Variants in EPB41L5 observed in about 807,000 individuals in gnomAD.
EPB41L5 encodes erythrocyte membrane protein band 4.1 like 5, also known as band 4.1-like protein 5.
A neutral mutation model predicts 106.6 loss-of-function variants in EPB41L5; 55 were observed. The observed-to-expected ratio is 0.52, with a 90% confidence interval of 0.42 to 0.65. EPB41L5 has a LOEUF of 0.65. Ranked by LOEUF, EPB41L5 falls within the 30% of genes least tolerant of loss-of-function variation. EPB41L5 has a pLI of 0.00. For synonymous variants in EPB41L5, 297 were observed against 306.7 expected (o/e 0.97, Z 0.33); for missense variants, 871 against 882.1 (o/e 0.99, Z 0.16).
At chr2:120,138,089 G>C (rs1252001496) in intron 18 of EPB41L5, among the ~76,000 whole-genome samples, 1 of 151,876 alleles carries the variant, frequency 6.6e-6, no homozygotes, top group Non-Finnish European at 1.5e-5. Flanking sequence ...TATATCAGCA[G>C]AATGAAGGAC....
chr2:120,053,516 C>T (rs1009894235), intron 3 of EPB41L5, among the ~76,000 whole-genome samples: 2 of 152,194 alleles, frequency 1.3e-5, no homozygotes, highest in African/African-American at 2.4e-5. Context: ...CCCCTCCCCA[C>T]AGCATCTGGC....
At chr2:120,100,482 C>G (rs1318907971) in intron 15 of EPB41L5, among the ~76,000 whole-genome samples, 196 bp downstream of exon 15, 3 of 152,086 alleles carry the variant, frequency 2.0e-5, no homozygotes, top group Admixed American at 2.0e-4. Context: ...GAAACCGGTG[C>G]TCTATAAAAC....
chr2:120,130,524 A>C (rs1312330774), intron 17 of EPB41L5, among the ~76,000 whole-genome samples: 1 of 152,226 alleles, frequency 6.6e-6, no homozygotes, highest in African/African-American at 2.4e-5. Flanking sequence ...ACAACAACAA[A>C]AAGAGTATTC....
intron 3 of EPB41L5, among the ~76,000 whole-genome samples, chr2:120,049,662 C>T (rs1221762111): frequency 1.3e-5 from 2 of 152,134 alleles, no homozygotes; most frequent in African/African-American, 2.4e-5. Flanking sequence ...AGCCCATTTA[C>T]GTTTAAGGTT....
rs763136332 is a variant in EPB41L5, at chr2:120,146,285, A to T, written c.1789A>T (p.Asn597Tyr). 2 of 1,607,880 alleles carry T rather than the reference A, an allele frequency of 1.2e-6. No homozygotes were observed. Among genetic ancestry groups the T allele is most frequent in the Non-Finnish European group, 1.7e-6 (2 of 1,174,658 alleles). Residue 597 changes from asparagine (N) to tyrosine (Y), a missense_variant, in exon 20 of 25, where the codon AAC becomes TAC. Physicochemically the swap from Asn to Tyr is moderately radical, Grantham distance 143. Transcript: ENST00000263713. ...TGCCAATGTTCAGGATGCTGCCACAAACAGGTACAGTTCTGGGTAGACTGA... is the reference window on the plus strand; with the variant it reads ...TGCCAATGTTCAGGATGCTGCCACATACAGGTACAGTTCTGGGTAGACTGA... Reference protein sequence around the residue: ...KNANVQDAATNSAVLNENNVP... With the variant: ...KNANVQDAATYSAVLNENNVP...
intron 20 of EPB41L5, among the ~76,000 whole-genome samples, chr2:120,147,608 G>C (rs1686465038): frequency 8.2e-6 from 1 of 121,230 alleles, no homozygotes. Flanking sequence ...GTGGGCAACA[G>C]AGCGAAACTC....
At chr2:120,142,117 A>ATT (rs1558902675) in intron 18 of EPB41L5, among the ~76,000 whole-genome samples, 1,555 of 20,716 alleles carry the variant, frequency 0.075, 33 homozygotes, top group African/African-American at 0.1. Flanking sequence ...CTTTTTTAAA[A>ATT]AAAAAAAAAA....
chr2:120,014,308 G>T (rs968920696), intron 1 of EPB41L5, among the ~76,000 whole-genome samples: 49 of 152,092 alleles, frequency 3.2e-4, no homozygotes, highest in African/African-American at 1.2e-3. Context: ...AATCCTTCTA[G>T]TTAGGAACTA....
At chr2:120,047,243 G>A (rs894716814) in intron 3 of EPB41L5, among the ~76,000 whole-genome samples, 6 of 152,088 alleles carry the variant, frequency 3.9e-5, no homozygotes, top group African/African-American at 1.2e-4. Context: ...TCTATAAATT[G>A]CCTTGGGCAG....
intron 16 of EPB41L5, chr2:120,106,283 A>G: frequency 1.0e-6 from 1 of 985,366 alleles, no homozygotes; most frequent in South Asian, 4.7e-5. Flanking sequence ...CTAAGGCTGG[A>G]TGGTAGTAAA....
At chr2:120,077,581 T>A (rs1385298181) in intron 9 of EPB41L5, among the ~76,000 whole-genome samples, 1 of 152,196 alleles carries the variant, frequency 6.6e-6, no homozygotes, top group African/African-American at 2.4e-5. Flanking sequence ...ATTTTATTTT[T>A]TTGCTATAAA....
chr2:120,146,378 G>A, intron 20 of EPB41L5, 89 bp downstream of exon 20: 1 of 924,576 alleles, frequency 1.1e-6, no homozygotes. Flanking sequence ...ATGGTTTCAG[G>A]ATGTCTGTCT....
intron 1 of EPB41L5, among the ~76,000 whole-genome samples, chr2:120,015,030 TAA>T (rs1319831160): frequency 6.7e-6 from 1 of 149,202 alleles, no homozygotes; most frequent in Non-Finnish European, 1.5e-5. Flanking sequence ...TTTTTTCCAT[TAA>T]AAAAAATTAG....
chr2:120,147,255 G>A (rs1686445330), intron 20 of EPB41L5, among the ~76,000 whole-genome samples: 1 of 152,180 alleles, frequency 6.6e-6, no homozygotes, highest in South Asian at 2.1e-4. Flanking sequence ...AGACTGAAGA[G>A]GGACAATCTC....
At chr2:120,158,973 C>T (rs947708266) in intron 20 of EPB41L5, among the ~76,000 whole-genome samples, 34 of 152,248 alleles carry the variant, frequency 2.2e-4, no homozygotes, top group African/African-American at 7.5e-4. Context: ...AAATCAGGAA[C>T]GCAGTCCTAT....
chr2:120,026,854 T>A (rs896938816), intron 2 of EPB41L5, among the ~76,000 whole-genome samples: 5 of 152,214 alleles, frequency 3.3e-5, no homozygotes, highest in Non-Finnish European at 7.3e-5. Context: ...AAGGAACTTG[T>A]ATCTAGGCTA....
intron 21 of EPB41L5, among the ~76,000 whole-genome samples, chr2:120,162,441 G>T (rs1186916569): frequency 6.6e-6 from 1 of 152,152 alleles, no homozygotes; most frequent in Non-Finnish European, 1.5e-5. Context: ...AAAAATTAAA[G>T]ATCACTTGTA....
intron 16 of EPB41L5, among the ~76,000 whole-genome samples, chr2:120,123,646 C>CATT (rs1178238151): frequency 4.4e-5 from 3 of 68,302 alleles, no homozygotes; most frequent in Non-Finnish European, 5.5e-5. Flanking sequence ...GTGTTCGTCC[C>CATT]TTTTTTTTTT....
chr2:120,100,936 G>C, intron 16 of EPB41L5, 122 bp downstream of exon 16: 1 of 662,184 alleles, frequency 1.5e-6, no homozygotes, highest in Non-Finnish European at 2.5e-6. Flanking sequence ...TTGTGAGCTG[G>C]AAAGCTTATT....
Sources: gnomAD v4.1 joint callset for allele counts (sites outside exome capture counted in the v4.1 genomes callset) on GRCh38, gnomAD v4.1.1 for gene constraint, MANE v1.5 for transcripts, NCBI Gene and HGNC (gene_info 2026-07-23, HGNC 2026-07-21) for gene names.